NBEA: variants seen among roughly 807,000 people sequenced by gnomAD.
NBEA encodes neurobeachin.
NBEA carries 44 observed loss-of-function variants against 343.4 expected under a neutral mutation model. The observed-to-expected ratio is 0.13, with a 90% CI of 0.10 to 0.16. The LOEUF is 0.16. Ranked by LOEUF, NBEA falls within the 10% of genes least tolerant of loss-of-function variation. NBEA has a pLI of 1.00. For synonymous variants in NBEA, 1,175 were observed against 1,238.7 expected, an observed-to-expected ratio of 0.95 and a Z score of 1.08; for missense variants, 2,555 against 3,631.3, an observed-to-expected ratio of 0.70 and a Z score of 7.62.
intron 38 of NBEA, among the ~76,000 whole-genome samples, chr13:35,364,076 A>G (rs1159797269): frequency 6.6e-6 from 1 of 151,964 alleles, no homozygotes; most frequent in East Asian, 1.9e-4. Context: ...AAATAGCTCC[A>G]TGTGACATGA....
At chr13:35,249,609 CTG>C (rs2031706904) in intron 34 of NBEA, among the ~76,000 whole-genome samples, 1 of 152,152 alleles carries the variant, frequency 6.6e-6, no homozygotes, top group Admixed American at 6.5e-5. Flanking sequence ...AAGTTGAAAA[CTG>C]TGTACTCTTT....
At chr13:35,579,794 G>T (rs2080925139) in intron 45 of NBEA, among the ~76,000 whole-genome samples, 3 of 151,998 alleles carry the variant, frequency 2.0e-5, no homozygotes, top group Non-Finnish European at 2.9e-5. Flanking sequence ...AGTCACAAAG[G>T]TTTTTATTTT....
In NBEA at chr13:35,039,592, T is replaced by G. The variant is rs148568050; in HGVS notation, c.295-1341T>G. ...CATACTTTTAACTCTGTGCCTATGATTCCTTATCTGTAAAATGAAGATAAT... is the reference window on the plus strand; with the variant it reads ...CATACTTTTAACTCTGTGCCTATGAGTCCTTATCTGTAAAATGAAGATAAT... On this transcript the variant is annotated intron_variant, in intron 1 of 58. Transcript: ENST00000379939. 9.0e-4 allele frequency among the ~76,000 whole-genome samples: 137 copies of G among 152,308 alleles called. 1 individual carries two copies. Among genetic ancestry groups the G allele is most frequent in the Middle Eastern group, 3.4e-3 (1 of 294 alleles).
At chr13:35,551,163 A>G (rs993273171) in intron 43 of NBEA, 131 bp downstream of exon 43, 15 of 516,306 alleles carry the variant, frequency 2.9e-5, no homozygotes, top group Admixed American at 7.5e-5. Context: ...TCTGAAGGTT[A>G]TTTGTAGGGA....
chr13:35,169,122 G>A (rs953447079), intron 25 of NBEA, 127 bp downstream of exon 25: 2 of 608,496 alleles, frequency 3.3e-6, no homozygotes, highest in Non-Finnish European at 5.2e-6. Context: ...CATATCTTTT[G>A]TATATTTAAA....
At chr13:35,132,342 T>C (rs1254400381) in intron 17 of NBEA, among the ~76,000 whole-genome samples, 1 of 152,078 alleles carries the variant, frequency 6.6e-6, no homozygotes, top group African/African-American at 2.4e-5. Flanking sequence ...GTATATTTAG[T>C]GGAGATGGGG....
chr13:35,236,958 A>T (rs1033331317), intron 34 of NBEA, among the ~76,000 whole-genome samples: 2 of 152,130 alleles, frequency 1.3e-5, no homozygotes, highest in Non-Finnish European at 2.9e-5. Flanking sequence ...ACTCTGGTAC[A>T]TCATAAATAT....
chr13:35,034,217 A>G (rs2062352991), intron 1 of NBEA, among the ~76,000 whole-genome samples: 1 of 151,922 alleles, frequency 6.6e-6, no homozygotes, highest in Non-Finnish European at 1.5e-5. Context: ...AGTTTTTATC[A>G]TGAAGGGATG....
chr13:34,962,077 C>G (rs545039792), intron 1 of NBEA, among the ~76,000 whole-genome samples: 11 of 151,916 alleles, frequency 7.2e-5, no homozygotes, highest in Non-Finnish European at 1.6e-4. Flanking sequence ...TTACATTTTT[C>G]TTTTCATGTG....
chr13:35,410,285 T>G (rs2043504651), intron 38 of NBEA, among the ~76,000 whole-genome samples: 1 of 152,176 alleles, frequency 6.6e-6, no homozygotes, highest in South Asian at 2.1e-4. Flanking sequence ...AGGATTTGAC[T>G]ATCTGAGCCA....
intron 38 of NBEA, among the ~76,000 whole-genome samples, chr13:35,406,779 T>C (rs1440785446): frequency 6.6e-6 from 1 of 152,116 alleles, no homozygotes; most frequent in Non-Finnish European, 1.5e-5. Flanking sequence ...GAACACTCAA[T>C]TGTTAATTTT....
chr13:35,204,590 T>C (rs1054646855), intron 31 of NBEA, among the ~76,000 whole-genome samples: 1 of 152,010 alleles, frequency 6.6e-6, no homozygotes, highest in Non-Finnish European at 1.5e-5. Flanking sequence ...AAAGTTGAGA[T>C]TTGGGTGGGG....
In NBEA at chr13:35,389,970, AGT is replaced by A. The variant is rs10523765; in HGVS notation, c.6179+37680_6179+37681del. On this transcript the variant is annotated intron_variant, in intron 38 of 58. Transcript: ENST00000379939. Reference sequence around the variant, plus strand: ...TTTCTATGGTTTATGTCTTTTGTAGAGTGTGTGTGTGTGTGTGTGTGTGTGTG... The same window carrying A: ...TTTCTATGGTTTATGTCTTTTGTAGAGTGTGTGTGTGTGTGTGTGTGTGTG... 2.3e-3 allele frequency among the ~76,000 whole-genome samples: 314 copies of A among 138,030 alleles called. 2 individuals carry two copies. Among genetic ancestry groups the A allele is most frequent in the East Asian group, 9.0e-3 (41 of 4,570 alleles). 90.6% of individuals were successfully genotyped at this position (138,030 alleles called of 152,430 possible).
At chr13:35,216,134 T>C (rs577547690) in intron 33 of NBEA, among the ~76,000 whole-genome samples, 3 of 151,956 alleles carry the variant, frequency 2.0e-5, no homozygotes, top group South Asian at 2.1e-4. Flanking sequence ...CCCCCAAAAA[T>C]GATACTGTGT....
intron 1 of NBEA, among the ~76,000 whole-genome samples, chr13:35,002,977 C>G (rs1017918676): frequency 2.0e-5 from 3 of 152,026 alleles, no homozygotes; most frequent in African/African-American, 7.2e-5. Context: ...CGTAAGCCAA[C>G]AAATAAAACC....
chr13:35,072,413 C>G (rs1008833976), intron 10 of NBEA, among the ~76,000 whole-genome samples: 20 of 152,012 alleles, frequency 1.3e-4, no homozygotes, highest in African/African-American at 4.6e-4. Flanking sequence ...GTATTTATTT[C>G]ATCGTGGAGA....
At chr13:35,565,699 C>T (rs1056038957) in intron 44 of NBEA, among the ~76,000 whole-genome samples, 3 of 152,118 alleles carry the variant, frequency 2.0e-5, no homozygotes, top group African/African-American at 7.2e-5. Context: ...TTAATTTCAC[C>T]TGATCATGTT....
chr13:35,417,241 T>C lies in NBEA; in HGVS notation c.6180-15028T>C, dbSNP rs969984668. 3.3e-5 allele frequency among the ~76,000 whole-genome samples: 5 copies of C among 152,340 alleles called. 1 individual carries two copies. The highest frequency in any genetic ancestry group is 3.3e-4 in the Admixed American group (5 of 15,304). On this transcript the variant is annotated intron_variant, in intron 38 of 58. Transcript: ENST00000379939. The stretch of plus-strand genomic sequence containing the variant: ...TTTTTTGTGTCTCTATTTCCTTCAG[T>C]TCTGCTCTGATCTTAGTTATTTCTT...
chr13:35,137,063 T>C (rs1246685237), intron 17 of NBEA, among the ~76,000 whole-genome samples: 1 of 152,256 alleles, frequency 6.6e-6, no homozygotes, highest in Non-Finnish European at 1.5e-5. Flanking sequence ...AGTAAATTGA[T>C]ACTTTCTAAA....
Sources: allele counts gnomAD v4.1 joint callset (sites outside exome capture counted in the v4.1 genomes callset), GRCh38; gene constraint gnomAD v4.1.1; transcripts MANE v1.5; gene names NCBI Gene and HGNC (gene_info 2026-07-23, HGNC 2026-07-21).